PDE4D: variants seen among roughly 807,000 people sequenced by gnomAD.
PDE4D encodes the protein 3',5'-cyclic-AMP phosphodiesterase 4D.
In PDE4D, 24 loss-of-function variants were observed where a neutral mutation model predicts 87.4. The observed-to-expected ratio is 0.27, with a 90% CI of 0.20 to 0.39. PDE4D has a LOEUF of 0.39. Among genes scored for constraint, PDE4D ranks in the 10% least tolerant of loss-of-function variants. The pLI, the probability that PDE4D is intolerant of heterozygous loss-of-function variation, is 1.00. For missense variants in PDE4D, 714 were observed against 1,041.0 expected (o/e 0.69, Z 4.32); for synonymous variants, 384 against 383.2 (o/e 1.00, Z -0.02).
At chr5:60,260,540 A>C (rs951775436) in intron 1 of PDE4D, among the ~76,000 whole-genome samples, 1 of 152,118 alleles carries the variant, frequency 6.6e-6, no homozygotes, top group Non-Finnish European at 1.5e-5. Flanking sequence ...AATTTATAAT[A>C]AAAGAAACTT....
At chr5:59,170,715 A>G (rs910357393) in intron 5 of PDE4D, among the ~76,000 whole-genome samples, 6 of 152,212 alleles carry the variant, frequency 3.9e-5, no homozygotes, top group African/African-American at 1.4e-4. Flanking sequence ...ACATTTTTCC[A>G]TATTATTAAA....
At chr5:60,326,594 A>G (rs1281560954) in intron 1 of PDE4D, among the ~76,000 whole-genome samples, 1 of 152,094 alleles carries the variant, frequency 6.6e-6, no homozygotes, top group Non-Finnish European at 1.5e-5. Flanking sequence ...GAAACATTCC[A>G]TCAGGTACAT....
At chr5:60,443,320 T>C (rs1211721410) in intron 1 of PDE4D, among the ~76,000 whole-genome samples, 1 of 152,166 alleles carries the variant, frequency 6.6e-6, no homozygotes, top group Non-Finnish European at 1.5e-5. Context: ...CGTTAAGGTA[T>C]TCAACTAGTA....
intron 2 of PDE4D, among the ~76,000 whole-genome samples, chr5:60,016,741 G>A (rs377335711): frequency 1.3e-5 from 2 of 152,224 alleles, no homozygotes; most frequent in East Asian, 3.9e-4. Flanking sequence ...TGAAATTGCA[G>A]CAATTCAGCC....
intron 1 of PDE4D, among the ~76,000 whole-genome samples, chr5:60,316,300 G>A (rs573114332): frequency 1.3e-3 from 202 of 152,264 alleles, no homozygotes; most frequent in Non-Finnish European, 2.2e-3. Context: ...TGTTATTGGT[G>A]TATAAGAATG....
At chr5:60,482,460 A>C (rs1200341596) in intron 1 of PDE4D, among the ~76,000 whole-genome samples, 1 of 152,178 alleles carries the variant, frequency 6.6e-6, no homozygotes, top group Non-Finnish European at 1.5e-5. Context: ...CCCTTTCACT[A>C]TATGGGGCCA....
chr5:58,990,830 T>C lies in PDE4D; in HGVS notation c.1261A>G (p.Thr421Ala). ...TGAAAAATGGTGTGCATGATAACAG[T>C]CAAGGGCCGGTTACCAGACAACTCT... is the stretch of plus-strand genomic sequence containing the variant. ...IAELSGNRPL[T>A]VIMHTIFQER... Residue 421 changes from threonine (T) to alanine (A), a missense_variant, in exon 9 of 15, where the codon ACT (threonine) becomes GCT (alanine). Thr to Ala is a moderately conservative substitution (Grantham distance 58). Transcript: ENST00000340635. 6.3e-7 allele frequency: 1 copy of C among 1,597,076 alleles called. No homozygotes were observed. Among genetic ancestry groups the C allele is most frequent in the South Asian group, 1.1e-5 (1 of 88,108 alleles).
intron 1 of PDE4D, among the ~76,000 whole-genome samples, chr5:60,267,856 CT>C (rs1750379497): frequency 6.6e-6 from 1 of 152,176 alleles, no homozygotes; most frequent in South Asian, 2.1e-4. Flanking sequence ...AATCTGCTGT[CT>C]GTGGCAAGAT....
chr5:59,929,535 A>G (rs1195397627), intron 3 of PDE4D, among the ~76,000 whole-genome samples: 2 of 151,414 alleles, frequency 1.3e-5, no homozygotes, highest in African/African-American at 2.4e-5. Context: ...TTTGCTCTTT[A>G]TCCCAAAGAA....
intron 3 of PDE4D, among the ~76,000 whole-genome samples, chr5:59,908,122 A>C (rs1229604684): frequency 6.6e-6 from 1 of 152,068 alleles, no homozygotes; most frequent in African/African-American, 2.4e-5. Flanking sequence ...CTGTTGATGA[A>C]ATTAAAGACT....
chr5:60,372,217 C>T (rs777941793), intron 1 of PDE4D, among the ~76,000 whole-genome samples: 2 of 151,786 alleles, frequency 1.3e-5, no homozygotes, highest in African/African-American at 2.4e-5. Context: ...GCATTTCCTG[C>T]TGGCTAATGA....
At chr5:59,786,863 A>AT (rs543697265) in intron 1 of PDE4D, among the ~76,000 whole-genome samples, 19 of 151,384 alleles carry the variant, frequency 1.3e-4, no homozygotes, top group Admixed American at 2.0e-4. Context: ...CTTTTTCAAC[A>AT]TTTTTTTTTC....
intron 1 of PDE4D, among the ~76,000 whole-genome samples, chr5:60,401,981 A>T (rs918590): frequency 6.6e-6 from 1 of 152,010 alleles, no homozygotes; most frequent in South Asian, 2.1e-4. Flanking sequence ...AAAATGGGAA[A>T]GAAAACACAG....
chr5:59,686,324 T>C (rs1233255084), intron 1 of PDE4D, among the ~76,000 whole-genome samples: 1 of 152,128 alleles, frequency 6.6e-6, no homozygotes, highest in Admixed American at 6.6e-5. Flanking sequence ...AGTACTATTA[T>C]TATACCTATT....
intron 1 of PDE4D, among the ~76,000 whole-genome samples, chr5:59,859,832 AGTTT>A (rs1745993367): frequency 6.6e-6 from 1 of 152,146 alleles, no homozygotes; most frequent in Admixed American, 6.5e-5. Flanking sequence ...AGAGCTTATC[AGTTT>A]GGTTCTTTGT....
At chr5:60,494,013 A>T (rs1026850339) in intron 1 of PDE4D, among the ~76,000 whole-genome samples, 8 of 152,218 alleles carry the variant, frequency 5.3e-5, no homozygotes, top group Admixed American at 3.9e-4. Flanking sequence ...TGCAAGATTA[A>T]AATTCCAATA....
intron 5 of PDE4D, among the ~76,000 whole-genome samples, chr5:59,131,277 GGT>G (rs1162123137): frequency 2.0e-5 from 3 of 152,060 alleles, no homozygotes; most frequent in Non-Finnish European, 4.4e-5. Flanking sequence ...TAGAGTATAA[GGT>G]AGAAATTGTG....
intron 6 of PDE4D, 136 bp from the exon 7 acceptor site, chr5:58,993,601 G>C (rs1748439048): frequency 7.3e-6 from 4 of 545,264 alleles, no homozygotes; most frequent in Non-Finnish European, 9.6e-6. Context: ...GTGCCTTCCA[G>C]CAGAACTTTC....
At chr5:59,037,610 A>C (rs1314262634) in intron 6 of PDE4D, among the ~76,000 whole-genome samples, 1 of 152,178 alleles carries the variant, frequency 6.6e-6, no homozygotes, top group African/African-American at 2.4e-5. Context: ...TGACAAAAAA[A>C]TTGATCATCA....
Sources: allele counts gnomAD v4.1 joint callset (sites outside exome capture counted in the v4.1 genomes callset), GRCh38; gene constraint gnomAD v4.1.1; transcripts MANE v1.5; gene names NCBI Gene and HGNC (gene_info 2026-07-23, HGNC 2026-07-21).